The following MYPN variants were observed in gnomAD, a reference collection of about 807,000 sequenced individuals.
The protein encoded by MYPN is myopalladin.
MYPN carries 63 observed loss-of-function variants against 129.4 expected under a neutral mutation model. The ratio of observed to expected loss-of-function variants is 0.49; its 90% CI spans 0.40 to 0.60. MYPN has a LOEUF of 0.60. MYPN is among the 20% of genes least tolerant of loss of function. The pLI, the probability that MYPN is intolerant of heterozygous loss-of-function variation, is 0.00. For synonymous variants in MYPN, 629 were observed against 600.9 expected (o/e 1.05, Z -0.68); for missense variants, 1,596 against 1,635.4 (o/e 0.98, Z 0.42).
intron 10 of MYPN, among the ~76,000 whole-genome samples, chr10:68,173,318 T>A (rs2043170671): frequency 6.6e-6 from 1 of 152,202 alleles, no homozygotes; most frequent in Non-Finnish European, 1.5e-5. Flanking sequence ...CACTGGCATG[T>A]AGCTCAGTGC....
intron 2 of MYPN, among the ~76,000 whole-genome samples, chr10:68,142,349 C>G (rs2042590828): frequency 6.6e-6 from 1 of 152,122 alleles, no homozygotes; most frequent in Admixed American, 6.5e-5. Context: ...AAATTTCTAA[C>G]TTCAAGGATA....
rs140041025 is a variant in MYPN at position 68,153,925 on chromosome 10, T to G, written c.1317+3814T>G. Among the ~76,000 whole-genome samples the G allele has an allele frequency of 8.6e-3, 1,310 of 152,142 alleles. 10 individuals carry two copies. Among genetic ancestry groups the G allele is most frequent in the Non-Finnish European group, 0.014 (924 of 67,986 alleles). On this transcript the variant is annotated intron_variant, in intron 6 of 19. Transcript: ENST00000358913. The stretch of plus-strand genomic sequence containing the variant: ...TGCCAATCGTGGCAAGAAGCCAGTT[T>G]TTTTTTTTTTTAAAGCAACGCTTAG...
intron 2 of MYPN, among the ~76,000 whole-genome samples, chr10:68,127,584 C>T (rs1460979471): frequency 3.3e-5 from 5 of 149,674 alleles, no homozygotes; most frequent in Non-Finnish European, 5.9e-5. Context: ...CTGCCTGCCT[C>T]GGCCTCCCAA....
intron 19 of MYPN, 147 bp downstream of exon 19, chr10:68,207,050 G>A: frequency 2.0e-6 from 2 of 977,720 alleles, no homozygotes; most frequent in Non-Finnish European, 1.5e-6. Flanking sequence ...CTGAGGTCAG[G>A]AGTTCAAGAC....
Position 68,211,450 on chromosome 10 carries a change from G to T in MYPN, c.*995G>T. 1 of 454,076 alleles carries T rather than the reference G, an allele frequency of 2.2e-6. No individual in the cohort carries two copies. The highest frequency in any genetic ancestry group is 1.6e-5 in the South Asian group (1 of 64,472). The allele number at this position is 454,076 out of a possible 1,614,324, so 28.1% of individuals were successfully genotyped here. On this transcript the variant is annotated 3_prime_UTR_variant, in exon 20 of 20. Transcript: ENST00000358913. ...TGTCACTTGCCCCAGCAGAGCAGGG[G>T]TTTTGGAAGGAGAGGTCTTTAATAG...
At chr10:68,106,077 A>T (rs1311324160), upstream of MYPN, 1 of 452,714 alleles carries the variant, frequency 2.2e-6, no homozygotes, top group Admixed American at 2.4e-5. Context: ...GGGCAGTATC[A>T]CATTTCCTTC....
intron 1 of MYPN, among the ~76,000 whole-genome samples, chr10:68,100,642 G>A (rs531189831): frequency 6.0e-4 from 92 of 152,238 alleles, no homozygotes; most frequent in Non-Finnish European, 9.7e-4. Context: ...GTAGTAAGCC[G>A]GTTTAGAAGG....
chr10:68,088,748 A>G (rs2041917917), intron 1 of MYPN, among the ~76,000 whole-genome samples: 2 of 152,212 alleles, frequency 1.3e-5, no homozygotes, highest in African/African-American at 2.4e-5. Context: ...AAAAAAATAA[A>G]TTAATTGAGA....
rs200977697 is a variant in MYPN at position 68,116,736 on chromosome 10, C to CA, written c.-1-4693dup. Among the ~76,000 whole-genome samples, 235 of 146,786 alleles carry CA rather than the reference C, an allele frequency of 1.6e-3. 1 individual carries two copies. The highest frequency in any genetic ancestry group is 2.6e-3 in the Non-Finnish European group (170 of 66,622). On this transcript the variant is annotated intron_variant, in intron 1 of 19. Transcript: ENST00000358913. ...GGGCTATAAGAGCGAGAGTCTATCT[C>CA]AAAAAAAAAGAAAGAAAAGAAAGAA...
chr10:68,165,721 C>T lies in MYPN; in HGVS notation c.1503C>T (p.Val501=). ...ATATAGAGGAGATTTGCACCTTGGTCATTGCTGAGGTGTTTGCAGAAGATT... is the reference window on the plus strand; with the variant it reads ...ATATAGAGGAGATTTGCACCTTGGTTATTGCTGAGGTGTTTGCAGAAGATT... ...MAEPEEICTL[V]IAEVFAEDSG... The change falls in exon 9 of 20, where the codon GTC becomes GTT. Residue 501 remains valine (V), a synonymous_variant. Coordinates refer to ENST00000358913, the MANE Select transcript of MYPN (RefSeq NM_032578.4). The T allele has an allele frequency of 6.2e-7, 1 of 1,614,084 alleles. No homozygotes were observed. Among genetic ancestry groups the T allele is most frequent in the Non-Finnish European group, 8.5e-7 (1 of 1,179,980 alleles).
chr10:68,131,618 A>T (rs1212241176), intron 2 of MYPN, among the ~76,000 whole-genome samples: 1 of 152,140 alleles, frequency 6.6e-6, no homozygotes, highest in Non-Finnish European at 1.5e-5. Flanking sequence ...GGTTCAGGTG[A>T]TCCTCCTGCC....
chr10:68,103,313 A>G (rs2041990849), upstream of MYPN, among the ~76,000 whole-genome samples: 1 of 152,100 alleles, frequency 6.6e-6, no homozygotes, highest in Non-Finnish European at 1.5e-5. Context: ...GGCACTTACT[A>G]TTTTCCTGAC....
intron 2 of MYPN, among the ~76,000 whole-genome samples, chr10:68,124,614 G>A (rs1024036341): frequency 1.3e-5 from 2 of 152,246 alleles, no homozygotes; most frequent in African/African-American, 4.8e-5. Flanking sequence ...TGACTATTAG[G>A]TTATCCTGCT....
Position 68,116,484 on chromosome 10 carries a change from T to C in MYPN, c.-1-4954T>C, listed in dbSNP as rs565263514. On this transcript the variant is annotated intron_variant, in intron 1 of 19. Coordinates refer to ENST00000358913, the MANE Select transcript of MYPN (RefSeq NM_032578.4). ...GTTGGAGCTGGGATTCAAACCCAGG[T>C]TTCTGATTATAATCAGATGTTCTCT... Among the ~76,000 whole-genome samples the C allele has an allele frequency of 2.5e-4, 38 of 152,350 alleles. No homozygotes were observed. In the South Asian group the frequency reaches 6.6e-3, roughly 27 times the overall value.
chr10:68,191,044 A>G (rs1464810236), intron 13 of MYPN, among the ~76,000 whole-genome samples: 2 of 151,972 alleles, frequency 1.3e-5, no homozygotes, highest in Non-Finnish European at 2.9e-5. Flanking sequence ...CCATTGGTCT[A>G]TGTGTCTATT....
chr10:68,194,250 A>G, intron 13 of MYPN, 113 bp from the exon 14 acceptor site: 1 of 1,131,156 alleles, frequency 8.8e-7, no homozygotes. Context: ...AGTGCTTCAT[A>G]AAGTATGGTC....
At chr10:68,132,186 T>C (rs1005136285) in intron 2 of MYPN, among the ~76,000 whole-genome samples, 3 of 152,224 alleles carry the variant, frequency 2.0e-5, no homozygotes, top group Non-Finnish European at 4.4e-5. Flanking sequence ...AATACTAAGA[T>C]TTTTAAAAAT....
chr10:68,174,336 C>T lies in MYPN; in HGVS notation c.2244C>T (p.Ser748=). Residue 748 remains serine (S), a synonymous_variant, in exon 11 of 20, where the codon AGC becomes AGT. Transcript: ENST00000358913. ...CCAGCTCTCCGGTGTTCACTTTGAG[C>T]AGCACTCCTCAAACTATTCAGAGGA... ...APSSSPVFTL[S]STPQTIQRTV... The T allele has an allele frequency of 6.2e-7, 1 of 1,614,124 alleles. No homozygotes were observed. Among genetic ancestry groups the T allele is most frequent in the Non-Finnish European group, 8.5e-7 (1 of 1,180,022 alleles).
chr10:68,097,777 T>TA (rs10588010), intron 1 of MYPN, among the ~76,000 whole-genome samples: 262 of 149,482 alleles, frequency 1.8e-3, no homozygotes, highest in Admixed American at 4.3e-3. Flanking sequence ...ATAGCTGATT[T>TA]AAAAAAAAAA....
Sources: gnomAD v4.1 joint callset for allele counts (sites outside exome capture counted in the v4.1 genomes callset) on GRCh38, gnomAD v4.1.1 for gene constraint, MANE v1.5 for transcripts, NCBI Gene and HGNC (gene_info 2026-07-23, HGNC 2026-07-21) for gene names.